The following ZNF215 variants were observed in gnomAD, a reference collection of about 807,000 sequenced individuals.
ZNF215 encodes BWSCR2-associated zinc finger protein 2.
A neutral mutation model predicts 27.2 loss-of-function variants in ZNF215; 24 were observed. The observed-to-expected ratio is 0.88, with a 90% CI of 0.64 to 1.24. The LOEUF (loss-of-function observed/expected upper bound fraction) is 1.24, where lower values mean the gene tolerates loss of function less well. Among genes scored for constraint, ZNF215 ranks in the 50% most tolerant of loss-of-function variants. The pLI is 0.00. For missense variants in ZNF215, 675 were observed against 605.7 expected (o/e 1.11, Z -1.20); for synonymous variants, 210 against 204.0 (o/e 1.03, Z -0.25).
At chr11:6,966,451 A>G (rs913332227) in intron 5 of ZNF215, among the ~76,000 whole-genome samples, 1 of 151,984 alleles carries the variant, frequency 6.6e-6, no homozygotes, top group African/African-American at 2.4e-5. Flanking sequence ...CATGTAACAA[A>G]CCTGTACATA....
chr11:6,953,284 C>G (rs1011966520), intron 6 of ZNF215, among the ~76,000 whole-genome samples: 2 of 152,170 alleles, frequency 1.3e-5, no homozygotes, highest in African/African-American at 2.4e-5. Flanking sequence ...GTTGGCCTGC[C>G]TTGCTAGATT....
At chr11:6,945,551 A>G (rs1204461981) in intron 6 of ZNF215, among the ~76,000 whole-genome samples, 1 of 152,216 alleles carries the variant, frequency 6.6e-6, no homozygotes, top group Non-Finnish European at 1.5e-5. Flanking sequence ...TAATGACTTC[A>G]TGTAGCTAAC....
chr11:6,960,859 G>A (rs888687151), downstream of ZNF215, among the ~76,000 whole-genome samples: 2 of 152,074 alleles, frequency 1.3e-5, no homozygotes, highest in African/African-American at 4.8e-5. Flanking sequence ...TTAAATCTTT[G>A]GTGAAGAGAG....
At chr11:6,926,757 A>T (rs1849057468) in intron 1 of ZNF215, 72 bp downstream of exon 1, 1 of 152,202 alleles carries the variant, frequency 6.6e-6, no homozygotes, top group Non-Finnish European at 1.5e-5. Context: ...GGCGGTGGGG[A>T]CGCGGGGTCT....
intron 6 of ZNF215, among the ~76,000 whole-genome samples, chr11:6,954,457 C>G (rs527702326): frequency 1.3e-5 from 2 of 152,348 alleles, no homozygotes; most frequent in African/African-American, 4.8e-5. Flanking sequence ...GCCCCTCCCC[C>G]AGCCTCGCTG....
intron 6 of ZNF215, among the ~76,000 whole-genome samples, chr11:6,943,901 G>A (rs899293256): frequency 6.6e-6 from 1 of 151,562 alleles, no homozygotes; most frequent in East Asian, 1.9e-4. Context: ...TTCCTCATCT[G>A]TAACATAGAG....
At chr11:6,973,297 T>A (rs1390716100) in intron 5 of ZNF215, among the ~76,000 whole-genome samples, 2 of 152,206 alleles carry the variant, frequency 1.3e-5, no homozygotes, top group African/African-American at 4.8e-5. Flanking sequence ...AGTCTATCAT[T>A]GATGGGCATT....
At chr11:6,973,187 G>A (rs1359082792) in intron 5 of ZNF215, among the ~76,000 whole-genome samples, 1 of 152,058 alleles carries the variant, frequency 6.6e-6, no homozygotes, top group African/African-American at 2.4e-5. Context: ...CAGAATGATG[G>A]TTTCCAGCTT....
At chr11:6,944,394 T>C (rs1849744025) in intron 6 of ZNF215, among the ~76,000 whole-genome samples, 4 of 135,450 alleles carry the variant, frequency 3.0e-5, no homozygotes, top group Admixed American at 2.9e-4. Flanking sequence ...CCATTTTTCC[T>C]TTTTTTTTTT....
At chr11:6,960,553 G>A (rs1409128756), downstream of ZNF215, among the ~76,000 whole-genome samples, 1 of 152,122 alleles carries the variant, frequency 6.6e-6, no homozygotes, top group African/African-American at 2.4e-5. Context: ...GGATAATAGG[G>A]TAAAGCAAGT....
At chr11:6,976,730 C>G (rs1033502909) in intron 5 of ZNF215, among the ~76,000 whole-genome samples, 3 of 152,142 alleles carry the variant, frequency 2.0e-5, no homozygotes, top group Non-Finnish European at 4.4e-5. Context: ...CATGCTCTAG[C>G]TGAGTGATTA....
chr11:6,980,774 A>C, intron 5 of ZNF215, among the ~76,000 whole-genome samples: 1 of 99,790 alleles, frequency 1.0e-5, no homozygotes, highest in Non-Finnish European at 1.9e-5. Flanking sequence ...CCCACCCCAC[A>C]ACAGTCCCCA....
downstream of ZNF215, among the ~76,000 whole-genome samples, chr11:6,962,725 C>A (rs1008268932): frequency 2.0e-5 from 3 of 152,020 alleles, no homozygotes; most frequent in Admixed American, 2.0e-4. Flanking sequence ...GTCCTTGGGC[C>A]CCAGTGCAGA....
rs543035622 is a variant in ZNF215, at chr11:6,928,821, C to T, written c.-180+1014C>T. ...ATTATACTACTTCAGGACTATTCCACCAGTCATATTTAAGAGCTCTCTCTT... is the reference window on the plus strand; with the variant it reads ...ATTATACTACTTCAGGACTATTCCATCAGTCATATTTAAGAGCTCTCTCTT... On this transcript the variant is annotated intron_variant, in intron 2 of 6. Coordinates refer to ENST00000278319, the MANE Select transcript of ZNF215 (RefSeq NM_013250.4). 2.6e-5 allele frequency among the ~76,000 whole-genome samples: 4 copies of T among 151,268 alleles called. No homozygotes were observed. The East Asian group carries it at 8.0e-4, about 30-fold the overall frequency.
intron 6 of ZNF215, among the ~76,000 whole-genome samples, chr11:6,954,359 G>A (rs1355671889): frequency 4.6e-5 from 7 of 152,358 alleles, no homozygotes; most frequent in South Asian, 2.1e-4. Flanking sequence ...ACAGAGGCAC[G>A]AAGGCCTCCT....
Position 6,956,903 on chromosome 11 carries a change from C to CT in ZNF215, c.*373dup. Reference sequence around the variant, plus strand: ...AGACATTAGGCAAAGCCAAACAATACTCTTGGAGTTGATATTTAATAAAAC... The same window carrying CT: ...AGACATTAGGCAAAGCCAAACAATACTTCTTGGAGTTGATATTTAATAAAAC... On this transcript the variant is annotated 3_prime_UTR_variant, in exon 7 of 7. Transcript: ENST00000278319. The CT allele has an allele frequency of 2.0e-6, 2 of 998,076 alleles. No individual in the cohort carries two copies. Among genetic ancestry groups the CT allele is most frequent in the Non-Finnish European group, 2.4e-6 (2 of 837,888 alleles). 61.8% of individuals were successfully genotyped at this position (998,076 alleles called of 1,614,324 possible).
chr11:6,932,309 C>T lies in ZNF215; in HGVS notation c.37C>T (p.Pro13Ser). ...GAGCAAGTTGATGGCTATCTCAAAACCTCGAAACCTGTCTCTACGTGAACA... is the reference window on the plus strand; with the variant it reads ...GAGCAAGTTGATGGCTATCTCAAAATCTCGAAACCTGTCTCTACGTGAACA... The part of the protein sequence containing the change: ...PLSKLMAISK[P>S]RNLSLREQRE... Residue 13 changes from proline (P) to serine (S), a missense_variant, in exon 3 of 7, where the codon CCT (proline) becomes TCT (serine). Pro to Ser is a moderately conservative substitution (Grantham distance 74). Transcript: ENST00000278319. 1.2e-6 allele frequency: 2 copies of T among 1,614,054 alleles called. No homozygotes were observed. Among genetic ancestry groups the T allele is most frequent in the Non-Finnish European group, 1.7e-6 (2 of 1,180,020 alleles).
At chr11:6,955,636 T>G in intron 6 of ZNF215, 54 bp from the exon 7 acceptor site, 1 of 1,517,076 alleles carries the variant, frequency 6.6e-7, no homozygotes, top group East Asian at 2.3e-5. Context: ...CAGCCTCCAT[T>G]TCCTATTGAA....
At chr11:6,985,914 G>T (rs982997301), downstream of ZNF215, among the ~76,000 whole-genome samples, 1 of 152,088 alleles carries the variant, frequency 6.6e-6, no homozygotes, top group African/African-American at 2.4e-5. Flanking sequence ...CCATGCTCAT[G>T]TATTGGAAGA....
Sources: allele counts gnomAD v4.1 joint callset (sites outside exome capture counted in the v4.1 genomes callset), GRCh38; gene constraint gnomAD v4.1.1; transcripts MANE v1.5; gene names NCBI Gene and HGNC (gene_info 2026-07-23, HGNC 2026-07-21).